CLEC16A: variants seen among roughly 807,000 people sequenced by gnomAD.
CLEC16A encodes the protein protein CLEC16A.
In CLEC16A, 51 loss-of-function variants were observed where a neutral mutation model predicts 109.5. The ratio of observed to expected loss-of-function variants is 0.47; its 90% confidence interval spans 0.37 to 0.59. CLEC16A has a LOEUF of 0.59. CLEC16A is among the 20% of genes least tolerant of loss of function. The pLI, the probability that CLEC16A is intolerant of heterozygous loss-of-function variation, is 0.00. For missense variants in CLEC16A, 1,339 were observed against 1,394.0 expected, an observed-to-expected ratio of 0.96 and a Z score of 0.63; for synonymous variants, 673 against 564.2, an observed-to-expected ratio of 1.19 and a Z score of -2.73.
intron 10 of CLEC16A, among the ~76,000 whole-genome samples, chr16:11,000,968 A>G (rs930763145): frequency 6.6e-6 from 1 of 152,248 alleles, no homozygotes; most frequent in African/African-American, 2.4e-5. Flanking sequence ...TTAAATTACA[A>G]AATGATATCT....
At chr16:11,110,688 C>G (rs1418218885) in intron 19 of CLEC16A, among the ~76,000 whole-genome samples, 1 of 152,202 alleles carries the variant, frequency 6.6e-6, no homozygotes, top group African/African-American at 2.4e-5. Context: ...CATAGCTTGC[C>G]TCTGTGATGC....
chr16:11,142,450 A>T (rs2053879789), intron 22 of CLEC16A, among the ~76,000 whole-genome samples: 1 of 152,254 alleles, frequency 6.6e-6, no homozygotes. Flanking sequence ...TCTAGGCTTC[A>T]TGAGCCGAGT....
In CLEC16A at chr16:11,120,615, A is replaced by G. The variant is rs2052333763; in HGVS notation, c.2117A>G (p.Asn706Ser). 1 of 1,608,410 alleles carries G rather than the reference A, an allele frequency of 6.2e-7. No homozygotes were observed. The highest frequency in any genetic ancestry group is 1.3e-5 in the African/African-American group (1 of 74,870). ...LIKTDDVLDL[N>S]NSDLIACTVI... ...TCTCTTCTCACCTTCCTCCTCCCAG[A>G]TAACAGCGACTTGATTGCATGTACA... Residue 706 changes from asparagine to serine, a missense_variant and splice_region_variant, in exon 20 of 24, where the codon AAT (asparagine) becomes AGT (serine). By Grantham distance (46) the Asn-to-Ser change is conservative. Coordinates refer to ENST00000409790, the MANE Select transcript of CLEC16A (RefSeq NM_015226.3).
chr16:10,970,635 C>T (rs1352752067), intron 4 of CLEC16A, among the ~76,000 whole-genome samples: 1 of 152,218 alleles, frequency 6.6e-6, no homozygotes, highest in Non-Finnish European at 1.5e-5. Flanking sequence ...AACTCCTGAC[C>T]TCAAGCAATC....
At position 11,176,103 on chromosome 16, in the gene CLEC16A, G is replaced by A. The variant is rs530701288; in HGVS notation, c.2807-2232G>A. 3.3e-5 allele frequency among the ~76,000 whole-genome samples: 5 copies of A among 152,366 alleles called. 1 individual carries two copies. The highest frequency in any genetic ancestry group is 1.2e-4 in the African/African-American group (5 of 41,592). Reference sequence around the variant, plus strand: ...CATGCCCATTCGAAGCAAGGGCAGAGGCCACCAGAGCAGGTGAGCACTGCT... The same window carrying A: ...CATGCCCATTCGAAGCAAGGGCAGAAGCCACCAGAGCAGGTGAGCACTGCT... On this transcript the variant is annotated intron_variant, in intron 23 of 23. Coordinates refer to ENST00000409790, the MANE Select transcript of CLEC16A (RefSeq NM_015226.3).
chr16:11,043,896 C>A, intron 15 of CLEC16A, 132 bp from the exon 16 acceptor site: 10 of 527,968 alleles, frequency 1.9e-5, no homozygotes, highest in South Asian at 4.4e-5. Context: ...AAAAAAAAAA[C>A]ACCATTTTAT....
chr16:11,177,821 T>A (rs1456173744), intron 23 of CLEC16A, among the ~76,000 whole-genome samples: 1 of 151,208 alleles, frequency 6.6e-6, no homozygotes, highest in Non-Finnish European at 1.5e-5. Flanking sequence ...TTTGTTTTGG[T>A]TTTGCAAGCT....
In CLEC16A at chr16:10,986,948, G is replaced by T. The variant is rs9928020; in HGVS notation, c.1071+3957G>T. Among the ~76,000 whole-genome samples, 395 of 151,776 alleles carry T rather than the reference G, an allele frequency of 2.6e-3. 2 individuals carry two copies. The highest frequency in any genetic ancestry group is 9.1e-3 in the African/African-American group (375 of 41,374). On this transcript the variant is annotated intron_variant, in intron 10 of 23. Transcript: ENST00000409790. ...GGCTCACTGCAACCTCTGTCTCCAG[G>T]GTTCAAGTGATTCTCGTGCCTCAGC...
At position 11,044,021 on chromosome 16, in the gene CLEC16A, T is replaced by C. The variant is rs1398433935; in HGVS notation, c.1771-7T>C. ...GCCTCCTTCACACCTTCCTTCTCTTTTAACAGGGTGCGAGAGAAGAAAGTG... is the reference window on the plus strand; with the variant it reads ...GCCTCCTTCACACCTTCCTTCTCTTCTAACAGGGTGCGAGAGAAGAAAGTG... On this transcript the variant is annotated splice_polypyrimidine_tract_variant and splice_region_variant and intron_variant, in intron 15 of 23. Transcript: ENST00000409790. 6 of 1,605,054 alleles carry C rather than the reference T, an allele frequency of 3.7e-6. No individual in the cohort carries two copies. The highest frequency in any genetic ancestry group is 2.2e-5 in the South Asian group (2 of 89,662).
intron 11 of CLEC16A, among the ~76,000 whole-genome samples, chr16:11,018,171 C>T (rs2045875377): frequency 1.3e-5 from 2 of 151,032 alleles, no homozygotes; most frequent in African/African-American, 4.9e-5. Context: ...GCCGGGTGTG[C>T]TGGCATGTAC....
At chr16:11,013,084 T>C (rs2045536267) in intron 11 of CLEC16A, among the ~76,000 whole-genome samples, 1 of 152,092 alleles carries the variant, frequency 6.6e-6, no homozygotes, top group Non-Finnish European at 1.5e-5. Context: ...ATCTCTGGGA[T>C]GAGGGAGGAA....
intron 22 of CLEC16A, among the ~76,000 whole-genome samples, chr16:11,165,594 G>A (rs900975427): frequency 1.3e-5 from 2 of 152,172 alleles, no homozygotes; most frequent in Non-Finnish European, 2.9e-5. Context: ...CACAACAGTG[G>A]GAGTATGTAG....
chr16:11,002,231 A>G (rs1426290748), intron 10 of CLEC16A, among the ~76,000 whole-genome samples: 1 of 152,196 alleles, frequency 6.6e-6, no homozygotes, highest in African/African-American at 2.4e-5. Context: ...TTCAAGTGAG[A>G]TCATATAGTC....
At chr16:11,033,214 A>G (rs894938946) in intron 13 of CLEC16A, among the ~76,000 whole-genome samples, 3 of 152,062 alleles carry the variant, frequency 2.0e-5, no homozygotes, top group African/African-American at 7.2e-5. Context: ...GGCTTGAGCA[A>G]TGGTGGGGGT....
Position 11,123,915 on chromosome 16 carries a change from G to A in CLEC16A, c.2442G>A (p.Gln814=), listed in dbSNP as rs1392236093. ...AGCGCCTGGCCAAAGGCCGCATCCA[G>A]GCAAGGCGCATGAAGATGCAGAGAA... ...AKQRLAKGRI[Q]ARRMKMQRIA... The change falls in exon 21 of 24, where the codon CAG becomes CAA. Residue 814 remains glutamine, a synonymous_variant. Transcript: ENST00000409790. The A allele has an allele frequency of 1.2e-6, 2 of 1,613,330 alleles. No individual in the cohort carries two copies. The highest frequency in any genetic ancestry group is 2.2e-5 in the South Asian group (2 of 90,930).
intron 19 of CLEC16A, among the ~76,000 whole-genome samples, chr16:11,116,638 A>C (rs2052015766): frequency 6.6e-6 from 1 of 152,196 alleles, no homozygotes; most frequent in Non-Finnish European, 1.5e-5. Context: ...CGAGAAAGGA[A>C]AGAGAAATTT....
intron 22 of CLEC16A, among the ~76,000 whole-genome samples, chr16:11,165,828 T>G (rs906893899): frequency 6.6e-6 from 1 of 152,120 alleles, no homozygotes; most frequent in Non-Finnish European, 1.5e-5. Context: ...CATCACTAGC[T>G]CTTTGCCAGG....
intron 13 of CLEC16A, chr16:11,026,999 G>A (rs771197919): frequency 1.9e-6 from 3 of 1,561,244 alleles, no homozygotes; most frequent in Non-Finnish European, 2.6e-6. Flanking sequence ...GGTTGCGCAT[G>A]ATCAGTAGCT....
chr16:11,074,990 T>C (rs957147959), intron 19 of CLEC16A, among the ~76,000 whole-genome samples: 6 of 152,118 alleles, frequency 3.9e-5, no homozygotes, highest in African/African-American at 9.7e-5. Flanking sequence ...CTGGGCAGCA[T>C]AGTGAGACCC....
Sources: gnomAD v4.1 joint callset for allele counts (sites outside exome capture counted in the v4.1 genomes callset) on GRCh38, gnomAD v4.1.1 for gene constraint, MANE v1.5 for transcripts, NCBI Gene and HGNC (gene_info 2026-07-23, HGNC 2026-07-21) for gene names.